Variants in GNG2 observed in about 807,000 individuals in gnomAD.
The protein encoded by GNG2 is G protein subunit gamma 2.
A neutral mutation model predicts 5.5 loss-of-function variants in GNG2; 5 were observed. The observed-to-expected ratio is 0.91, with a 90% CI of 0.48 to 1.92. The LOEUF is 1.92. Ranked by LOEUF, GNG2 falls within the 30% of genes most tolerant of loss-of-function variation. GNG2 has a pLI of 0.01. For synonymous variants in GNG2, 28 were observed against 32.0 expected (o/e 0.88, Z 0.42); for missense variants, 55 against 88.4 (o/e 0.62, Z 1.52).
intron 1 of GNG2, among the ~76,000 whole-genome samples, chr14:51,862,229 TG>T (rs1427062428): frequency 1.3e-5 from 2 of 152,250 alleles, no homozygotes; most frequent in Non-Finnish European, 2.9e-5. Context: ...AGAGGTTTTT[TG>T]CTCATTAAAG....
intron 2 of GNG2, among the ~76,000 whole-genome samples, chr14:51,899,937 C>A (rs2140177522): frequency 6.6e-6 from 1 of 152,310 alleles, no homozygotes; most frequent in South Asian, 2.1e-4. Flanking sequence ...TTGCTTCCAC[C>A]TTTTACCTAA....
At chr14:51,934,343 G>A (rs918818545) in intron 2 of GNG2, among the ~76,000 whole-genome samples, 1 of 152,136 alleles carries the variant, frequency 6.6e-6, no homozygotes, top group Non-Finnish European at 1.5e-5. Context: ...ACCAACTGGG[G>A]TCTTCGAGCT....
intron 2 of GNG2, among the ~76,000 whole-genome samples, chr14:51,944,511 A>C (rs1019947368): frequency 6.6e-6 from 1 of 152,218 alleles, no homozygotes; most frequent in East Asian, 1.9e-4. Context: ...TTCACATGTG[A>C]ATGTGGGAAA....
intron 2 of GNG2, among the ~76,000 whole-genome samples, chr14:51,833,379 G>A (rs1008508800): frequency 6.6e-6 from 1 of 151,994 alleles, no homozygotes; most frequent in Non-Finnish European, 1.5e-5. Flanking sequence ...TTCTTCTAAT[G>A]TAGATCACTT....
intron 2 of GNG2, among the ~76,000 whole-genome samples, chr14:51,829,824 G>C (rs183171755): frequency 3.4e-5 from 5 of 148,152 alleles, no homozygotes; most frequent in South Asian, 2.2e-4. Flanking sequence ...TATGCTCCTA[G>C]TTGATCACTC....
At chr14:51,840,015 G>A (rs767751627) in intron 2 of GNG2, among the ~76,000 whole-genome samples, 5 of 152,180 alleles carry the variant, frequency 3.3e-5, no homozygotes, top group Non-Finnish European at 5.9e-5. Context: ...CATTAGAAAT[G>A]TGTTATAGTT....
At chr14:51,932,517 C>A (rs1357938653) in intron 2 of GNG2, among the ~76,000 whole-genome samples, 1 of 151,972 alleles carries the variant, frequency 6.6e-6, no homozygotes, top group Non-Finnish European at 1.5e-5. Context: ...GTGGTCCCCG[C>A]TACTTGGGAG....
At chr14:51,928,297 G>A (rs544157035) in intron 2 of GNG2, among the ~76,000 whole-genome samples, 1 of 151,866 alleles carries the variant, frequency 6.6e-6, no homozygotes, top group Non-Finnish European at 1.5e-5. Flanking sequence ...CCAAAGTGCT[G>A]GAAATTACAG....
At chr14:51,876,877 T>C (rs373800153) in intron 1 of GNG2, among the ~76,000 whole-genome samples, 3 of 152,276 alleles carry the variant, frequency 2.0e-5, no homozygotes, top group East Asian at 3.9e-4. Context: ...CACTGCAAAA[T>C]AGGAATGGGA....
chr14:51,926,706 C>T (rs935338179), intron 2 of GNG2, among the ~76,000 whole-genome samples: 4 of 152,148 alleles, frequency 2.6e-5, no homozygotes, highest in African/African-American at 9.7e-5. Flanking sequence ...ACCTGGGATT[C>T]AGTCTGTGAG....
chr14:51,960,941 G>A (rs1769484), intron 3 of GNG2, among the ~76,000 whole-genome samples: 141,378 of 151,984 alleles, frequency 0.93, 66,223 homozygotes, highest in Non-Finnish European at 0.99. Flanking sequence ...TCAGCCAAAG[G>A]CTCAAGATGA....
At chr14:51,925,056 T>C (rs1887227036) in intron 2 of GNG2, among the ~76,000 whole-genome samples, 1 of 152,198 alleles carries the variant, frequency 6.6e-6, no homozygotes, top group Non-Finnish European at 1.5e-5. Context: ...CATAGCACTG[T>C]AGGGTAACTA....
At chr14:51,893,771 A>G (rs997727714) in intron 2 of GNG2, among the ~76,000 whole-genome samples, 1 of 152,058 alleles carries the variant, frequency 6.6e-6, no homozygotes, top group African/African-American at 2.4e-5. Flanking sequence ...TATATTTTGT[A>G]TATGATGTGA....
At chr14:51,856,911 T>G (rs76947462), upstream of GNG2, among the ~76,000 whole-genome samples, 536 of 152,274 alleles carry the variant, frequency 3.5e-3, no homozygotes, top group African/African-American at 5.8e-3. Context: ...AATATATATA[T>G]AGAGAGGGAG....
At chr14:51,919,015 G>C (rs1384989346) in intron 2 of GNG2, among the ~76,000 whole-genome samples, 1 of 152,104 alleles carries the variant, frequency 6.6e-6, no homozygotes, top group Non-Finnish European at 1.5e-5. Context: ...AGTAGAGATG[G>C]GGTTTCTCCA....
chr14:51,941,843 G>C (rs1321700309), intron 2 of GNG2, among the ~76,000 whole-genome samples: 1 of 152,188 alleles, frequency 6.6e-6, no homozygotes, highest in African/African-American at 2.4e-5. Context: ...TGTTGGTTGG[G>C]TGGGACGGGG....
intron 2 of GNG2, among the ~76,000 whole-genome samples, chr14:51,914,516 A>G (rs1259984259): frequency 1.3e-5 from 2 of 152,184 alleles, no homozygotes; most frequent in Non-Finnish European, 2.9e-5. Context: ...CCTAATAGTA[A>G]TGAGGTGTCG....
intron 2 of GNG2, among the ~76,000 whole-genome samples, chr14:51,881,577 C>G (rs1884074657): frequency 6.6e-6 from 1 of 151,972 alleles, no homozygotes; most frequent in Admixed American, 6.6e-5. Context: ...ATTTCTGTGG[C>G]TTTTATTTTG....
At chr14:51,896,807 C>T (rs1033630225) in intron 2 of GNG2, among the ~76,000 whole-genome samples, 14 of 151,946 alleles carry the variant, frequency 9.2e-5, no homozygotes, top group African/African-American at 3.4e-4. Flanking sequence ...CTTTAAAATG[C>T]CACATAAAAG....
Sources: gnomAD v4.1 joint callset for allele counts (sites outside exome capture counted in the v4.1 genomes callset) on GRCh38, gnomAD v4.1.1 for gene constraint, MANE v1.5 for transcripts, NCBI Gene and HGNC (gene_info 2026-07-23, HGNC 2026-07-21) for gene names.